The following PCDH7 variants were observed in gnomAD, a reference collection of about 807,000 sequenced individuals.
PCDH7 encodes the protein protocadherin 7.
PCDH7 carries 17 observed loss-of-function variants against 58.9 expected under a neutral mutation model. That is an observed-to-expected ratio of 0.29 (90% CI 0.20 to 0.43). The LOEUF (loss-of-function observed/expected upper bound fraction) is 0.43, where lower values mean the gene tolerates loss of function less well. Among genes scored for constraint, PCDH7 ranks in the 20% least tolerant of loss-of-function variants. The probability of loss-of-function intolerance (pLI) is 1.00; values close to 1 mark genes in which losing one functional copy is unlikely to be tolerated. For synonymous variants in PCDH7, 664 were observed against 616.4 expected (o/e 1.08, Z -1.14); for missense variants, 1,274 against 1,441.0 (o/e 0.88, Z 1.88).
chr4:31,139,206 G>A (rs1367343705), intron 3 of PCDH7, among the ~76,000 whole-genome samples: 3 of 152,046 alleles, frequency 2.0e-5, no homozygotes, highest in Non-Finnish European at 4.4e-5. Context: ...GGGTATGCGG[G>A]CGTTGAGAAA....
chr4:30,846,511 C>G (rs1246651514), intron 1 of PCDH7, among the ~76,000 whole-genome samples: 2 of 151,502 alleles, frequency 1.3e-5, no homozygotes, highest in African/African-American at 4.9e-5. Flanking sequence ...AATAAACTGC[C>G]CGGTCTGTGG....
chr4:30,722,655 C>T lies in PCDH7; in HGVS notation c.1233C>T (p.Asn411=), dbSNP rs1222125419. 1.9e-6 allele frequency: 3 copies of T among 1,613,428 alleles called. No homozygotes were observed. The highest frequency in any genetic ancestry group is 3.3e-5 in the Admixed American group (2 of 60,012). The change falls in exon 1 of 2, where the codon AAC becomes AAT. Residue 411 remains asparagine (N), a synonymous_variant. Transcript: ENST00000361762. The surrounding 1 kb of genome is among the most constrained non-coding windows in gnomAD (Gnocchi z 7.6). ...TTAACATCAAAGACGAGAACGACAA[C>T]GTGCCGTCCATTGAAATCCGCAAGA... is the stretch of plus-strand genomic sequence containing the variant.
At chr4:31,014,603 T>C (rs1753463687) in intron 3 of PCDH7, among the ~76,000 whole-genome samples, 1 of 152,202 alleles carries the variant, frequency 6.6e-6, no homozygotes, top group South Asian at 2.1e-4. Context: ...GATTTTTATC[T>C]TAACAAAAAA....
intron 3 of PCDH7, among the ~76,000 whole-genome samples, chr4:31,026,749 TG>T (rs1163363231): frequency 6.6e-6 from 1 of 150,894 alleles, no homozygotes; most frequent in Non-Finnish European, 1.5e-5. Flanking sequence ...GGCTTTCCTT[TG>T]GGGGGAAAAA....
At chr4:30,811,622 G>T (rs1170266492) in intron 1 of PCDH7, among the ~76,000 whole-genome samples, 1 of 152,134 alleles carries the variant, frequency 6.6e-6, no homozygotes, top group Non-Finnish European at 1.5e-5. Flanking sequence ...TTAGGGTCCT[G>T]TGACATTTTA....
intron 1 of PCDH7, among the ~76,000 whole-genome samples, chr4:30,915,089 G>A (rs1742264067): frequency 6.6e-6 from 1 of 151,770 alleles, no homozygotes. Context: ...TTATCTTGTT[G>A]AGCACCCCTT....
intron 3 of PCDH7, among the ~76,000 whole-genome samples, chr4:31,058,890 T>C (rs1275969876): frequency 1.3e-5 from 2 of 151,944 alleles, no homozygotes; most frequent in Non-Finnish European, 1.5e-5. Context: ...ATACACAGAA[T>C]TGTGAAGCTA....
At chr4:30,731,162 C>T (rs1715435053) in exon 2 of PCDH7, 1 of 1,002,696 alleles carries the variant, frequency 1.0e-6, no homozygotes, top group African/African-American at 1.7e-5. Context: ...CCTCTTATGT[C>T]TTTGTCTTTA....
Position 30,750,344 on chromosome 4 carries a change from T to G in PCDH7, c.70+25748T>G, listed in dbSNP as rs142775311. ...GCTTAACCTTGCTATAAGTCAGAGG[T>G]CAAGGGACCTTGTGATTGCAGTTCA... On this transcript the variant is annotated intron_variant, in intron 1 of 3. Transcript: ENST00000509759. 4.9e-3 allele frequency among the ~76,000 whole-genome samples: 744 copies of G among 152,252 alleles called. 6 individuals are homozygous for G. The highest frequency in any genetic ancestry group is 0.016 in the African/African-American group (682 of 41,554).
At chr4:30,997,916 T>C (rs1752045549) in intron 3 of PCDH7, among the ~76,000 whole-genome samples, 1 of 152,130 alleles carries the variant, frequency 6.6e-6, no homozygotes, top group Admixed American at 6.5e-5. Context: ...TGTGTTTGTG[T>C]GTGTGGAGGC....
chr4:31,014,201 C>A (rs1753432534), intron 3 of PCDH7, among the ~76,000 whole-genome samples: 1 of 150,722 alleles, frequency 6.6e-6, no homozygotes, highest in African/African-American at 2.4e-5. Flanking sequence ...CCAGAGGGGT[C>A]AGGGAAACAG....
chr4:31,064,810 T>A (rs1056604503), intron 3 of PCDH7, among the ~76,000 whole-genome samples: 1 of 152,016 alleles, frequency 6.6e-6, no homozygotes, highest in African/African-American at 2.4e-5. Context: ...ATACTTGGAA[T>A]TGGAACTTTA....
intron 3 of PCDH7, among the ~76,000 whole-genome samples, chr4:30,989,915 A>G (rs1751317201): frequency 6.6e-6 from 1 of 152,146 alleles, no homozygotes; most frequent in African/African-American, 2.4e-5. Context: ...GTCTAGAAAA[A>G]TGTATTAGAA....
chr4:31,051,969 C>A (rs893707569), intron 3 of PCDH7, among the ~76,000 whole-genome samples: 1 of 152,012 alleles, frequency 6.6e-6, no homozygotes, highest in East Asian at 1.9e-4. Flanking sequence ...GGTATTCTGA[C>A]GGACTATTTT....
At chr4:30,940,559 A>G (rs1745906456) in intron 2 of PCDH7, among the ~76,000 whole-genome samples, 1 of 152,062 alleles carries the variant, frequency 6.6e-6, no homozygotes, top group Admixed American at 6.6e-5. Context: ...TTCTTCTTAT[A>G]CAGTATTCTT....
At chr4:31,097,638 A>ATAATC (rs370034723) in intron 3 of PCDH7, among the ~76,000 whole-genome samples, 1,057 of 79,162 alleles carry the variant, frequency 0.013, 175 homozygotes, top group Middle Eastern at 0.037. Context: ...ATATATATAT[A>ATAATC]AATCTTTTTT....
intron 3 of PCDH7, among the ~76,000 whole-genome samples, chr4:31,024,719 T>A (rs992645383): frequency 2.0e-5 from 3 of 152,160 alleles, no homozygotes; most frequent in Non-Finnish European, 4.4e-5. Flanking sequence ...GAAATTCTCA[T>A]AGGAACCTGG....
At chr4:31,082,595 T>C (rs1291256169) in intron 3 of PCDH7, among the ~76,000 whole-genome samples, 1 of 152,138 alleles carries the variant, frequency 6.6e-6, no homozygotes, top group Admixed American at 6.5e-5. Context: ...CAGAAGTTGA[T>C]TTTACAGGAA....
At position 30,982,893 on chromosome 4, in the gene PCDH7, T is replaced by C. The variant is rs73815126; in HGVS notation, c.*7+32678T>C. Reference sequence around the variant, plus strand: ...GGAATGTAGACATTTTCTGTGACATTGATTTTAGAGAGAATTAAAAATTTA... The same window carrying C: ...GGAATGTAGACATTTTCTGTGACATCGATTTTAGAGAGAATTAAAAATTTA... On this transcript the variant is annotated intron_variant, in intron 3 of 3. Transcript: ENST00000509759. Among the ~76,000 whole-genome samples the C allele has an allele frequency of 1.6e-3, 243 of 152,330 alleles. 2 individuals are homozygous for C. Among genetic ancestry groups the C allele is most frequent in the African/African-American group, 5.5e-3 (229 of 41,580 alleles).
Sources: gnomAD v4.1 joint callset for allele counts (sites outside exome capture counted in the v4.1 genomes callset) on GRCh38, gnomAD v4.1.1 for gene constraint, Gnocchi (gnomAD v3.1) non-coding constraint, MANE v1.5 for transcripts, NCBI Gene and HGNC (gene_info 2026-07-23, HGNC 2026-07-21) for gene names.